The following MALRD1 variants were observed in gnomAD, a reference collection of about 807,000 sequenced individuals.
MALRD1 encodes the protein MAM and LDL-receptor class A domain-containing protein 1.
MALRD1 carries 247 observed loss-of-function variants against 242.1 expected under a neutral mutation model. That is an observed-to-expected ratio of 1.02 (90% CI 0.92 to 1.13). The LOEUF is 1.13. MALRD1 is among the 50% of genes most tolerant of loss of function. The pLI is 0.00. For synonymous variants in MALRD1, 995 were observed against 866.6 expected (o/e 1.15, Z -2.60); for missense variants, 2,989 against 2,533.1 (o/e 1.18, Z -3.86).
intron 18 of MALRD1, among the ~76,000 whole-genome samples, chr10:19,243,539 C>T (rs1157684105): frequency 1.3e-5 from 2 of 152,008 alleles, no homozygotes; most frequent in Non-Finnish European, 2.9e-5. Context: ...TGTGTATTAT[C>T]CTCAGACGTA....
intron 28 of MALRD1, among the ~76,000 whole-genome samples, chr10:19,447,069 GACACACACACACACACACAC>G (rs374350237): frequency 7.1e-6 from 1 of 141,812 alleles, no homozygotes; most frequent in Non-Finnish European, 1.5e-5. Flanking sequence ...CACATACACA[GACACACACACACACACACAC>G]ACACACACAC....
chr10:19,663,837 A>G (rs906543656), intron 36 of MALRD1, among the ~76,000 whole-genome samples: 1 of 151,988 alleles, frequency 6.6e-6, no homozygotes, highest in Non-Finnish European at 1.5e-5. Context: ...ACAGGTGGAT[A>G]TGGTTAAAAT....
chr10:19,295,086 T>G (rs1272358228), intron 21 of MALRD1, among the ~76,000 whole-genome samples: 1 of 152,096 alleles, frequency 6.6e-6, no homozygotes, highest in African/African-American at 2.4e-5. Flanking sequence ...TTAGTTGCTT[T>G]TGGTGATAAA....
At chr10:19,188,210 C>T (rs1187570504) in intron 14 of MALRD1, among the ~76,000 whole-genome samples, 10 of 152,132 alleles carry the variant, frequency 6.6e-5, no homozygotes, top group Non-Finnish European at 1.2e-4. Flanking sequence ...TATTGATGCC[C>T]ATCGTCAATG....
In MALRD1 at chr10:19,252,122, A is replaced by C. The variant is rs1839317035; in HGVS notation, c.2992-5562A>C. On this transcript the variant is annotated intron_variant, in intron 18 of 39. Coordinates refer to ENST00000454679, the MANE Select transcript of MALRD1 (RefSeq NM_001142308.3). The stretch of plus-strand genomic sequence containing the variant: ...CAATGTGAAAACGAACTAATAAAGT[A>C]GGTGAAGTTTAAAATAATGAATGGC... 2.0e-5 allele frequency among the ~76,000 whole-genome samples: 3 copies of C among 152,062 alleles called. No individual in the cohort carries two copies. In the South Asian group the frequency reaches 6.2e-4, roughly 31 times the overall value.
chr10:19,383,274 A>T (rs7097149), intron 26 of MALRD1, among the ~76,000 whole-genome samples: 3 of 152,120 alleles, frequency 2.0e-5, no homozygotes, highest in South Asian at 4.2e-4. Flanking sequence ...TCAAAGTTTC[A>T]CTCCCATTGA....
chr10:19,239,272 C>A (rs1483798550), intron 18 of MALRD1, among the ~76,000 whole-genome samples: 1 of 152,054 alleles, frequency 6.6e-6, no homozygotes, highest in African/African-American at 2.4e-5. Flanking sequence ...ATTGGTCAGG[C>A]TGTTCTCAAA....
chr10:19,730,512 G>T, intron 38 of MALRD1, 194 bp from the exon 39 acceptor site: 1 of 647,414 alleles, frequency 1.5e-6, no homozygotes, highest in Non-Finnish European at 2.8e-6. Flanking sequence ...TTGCTTTCCT[G>T]AATGTGGTTG....
intron 26 of MALRD1, among the ~76,000 whole-genome samples, chr10:19,369,785 T>C (rs972163896): frequency 7.4e-4 from 113 of 151,692 alleles, no homozygotes; most frequent in African/African-American, 2.6e-3. Flanking sequence ...CATTGAGTTA[T>C]AGATATTTTT....
intron 32 of MALRD1, among the ~76,000 whole-genome samples, chr10:19,531,936 G>A (rs61841401): frequency 3.3e-3 from 503 of 152,206 alleles, no homozygotes; most frequent in Non-Finnish European, 5.4e-3. Context: ...CTAATTAAAT[G>A]GTTACATATC....
intron 29 of MALRD1, among the ~76,000 whole-genome samples, chr10:19,467,037 C>T (rs1836247575): frequency 6.6e-6 from 1 of 152,022 alleles, no homozygotes; most frequent in South Asian, 2.1e-4. Context: ...TACTGCTCCA[C>T]CCTTAGGGCT....
chr10:19,163,182 A>C lies in MALRD1; in HGVS notation c.1657-2455A>C, dbSNP rs539516704. On this transcript the variant is annotated intron_variant, in intron 12 of 39. Coordinates refer to ENST00000454679, the MANE Select transcript of MALRD1 (RefSeq NM_001142308.3). ...AAAAAAAAAGACATCATTCTATCAT[A>C]AAGATACATTCACATGTATGTGAAT... Among the ~76,000 whole-genome samples, 3 of 149,958 alleles carry C rather than the reference A, an allele frequency of 2.0e-5. No homozygotes were observed. In the South Asian group the frequency reaches 6.4e-4, roughly 32 times the overall value.
At chr10:19,057,040 T>C (rs774071467) in intron 1 of MALRD1, among the ~76,000 whole-genome samples, 3 of 152,178 alleles carry the variant, frequency 2.0e-5, no homozygotes, top group Non-Finnish European at 2.9e-5. Context: ...TCATGCCAAA[T>C]GCTTCTTTCA....
At chr10:19,062,480 A>G (rs532497846) in intron 1 of MALRD1, among the ~76,000 whole-genome samples, 1 of 152,216 alleles carries the variant, frequency 6.6e-6, no homozygotes, top group Non-Finnish European at 1.5e-5. Context: ...TTGTACACCC[A>G]TGTTCACAGC....
intron 21 of MALRD1, among the ~76,000 whole-genome samples, chr10:19,317,583 C>T (rs1842759328): frequency 6.6e-6 from 1 of 151,978 alleles, no homozygotes; most frequent in Non-Finnish European, 1.5e-5. Flanking sequence ...GGACAAATTC[C>T]ATCTGATTCT....
intron 36 of MALRD1, among the ~76,000 whole-genome samples, chr10:19,654,109 G>A (rs1204728373): frequency 2.0e-5 from 3 of 152,144 alleles, no homozygotes; most frequent in African/African-American, 7.2e-5. Flanking sequence ...GGGAGCAGAT[G>A]AATTTGTGAT....
chr10:19,145,442 G>C (rs1328561534), intron 10 of MALRD1, among the ~76,000 whole-genome samples: 2 of 152,008 alleles, frequency 1.3e-5, no homozygotes, highest in Non-Finnish European at 2.9e-5. Flanking sequence ...TCAGGAGTTC[G>C]AGACCAGCCT....
chr10:19,133,675 A>G (rs996852107), intron 8 of MALRD1, among the ~76,000 whole-genome samples, 181 bp from the exon 9 acceptor site: 4 of 152,026 alleles, frequency 2.6e-5, no homozygotes, highest in African/African-American at 9.7e-5. Context: ...AACATGCTTC[A>G]TTTTCTTATT....
In MALRD1 at chr10:19,257,762, C is replaced by G. The variant is rs1344709984; in HGVS notation, c.3070C>G (p.Leu1024Val). Residue 1024 changes from leucine (L) to valine (V), a missense_variant, in exon 19 of 40, where the codon CTC (leucine) becomes GTC (valine). Transcript: ENST00000454679. ...IDDLSFMDCTLYPGNLPADLP... is the reference protein window; with the variant it reads ...IDDLSFMDCTVYPGNLPADLP... Reference sequence around the variant, plus strand: ...TGATCTGTCATTTATGGACTGCACCCTCTACCCTGGTAAGAGAGAACATTT... The same window carrying G: ...TGATCTGTCATTTATGGACTGCACCGTCTACCCTGGTAAGAGAGAACATTT... The G allele has an allele frequency of 6.5e-7, 1 of 1,530,050 alleles. No individual in the cohort carries two copies. The highest frequency in any genetic ancestry group is 1.4e-5 in the African/African-American group (1 of 72,640). 94.8% of individuals were successfully genotyped at this position (1,530,050 alleles called of 1,614,324 possible).
Sources: allele counts gnomAD v4.1 joint callset (sites outside exome capture counted in the v4.1 genomes callset), GRCh38; gene constraint gnomAD v4.1.1; transcripts MANE v1.5; gene names NCBI Gene and HGNC (gene_info 2026-07-23, HGNC 2026-07-21).